Variants in RTL4 observed in about 807,000 individuals in gnomAD.
RTL4 encodes retrotransposon Gag like 4.
A neutral mutation model predicts 5.3 loss-of-function variants in RTL4; 4 were observed. That is an observed-to-expected ratio of 0.75 (90% confidence interval 0.37 to 1.72). The LOEUF is 1.72. RTL4 is among the 40% of genes most tolerant of loss of function. The probability of loss-of-function intolerance (pLI) is 0.04; values close to 1 mark genes in which losing one functional copy is unlikely to be tolerated. For synonymous variants in RTL4, 98 were observed against 87.3 expected, an observed-to-expected ratio of 1.12 and a Z score of -0.68; for missense variants, 260 against 227.1, an observed-to-expected ratio of 1.14 and a Z score of -0.93.
At chrX:112,119,284 GT>G in the RTL4 span, among the ~76,000 whole-genome samples, 6 of 110,578 alleles carry the variant, frequency 5.4e-5, no homozygotes, top group African/African-American at 9.9e-5. Context: ...TGATTACTGT[GT>G]TTTTTTAAAG....
At chrX:112,318,410 C>T in the RTL4 span, among the ~76,000 whole-genome samples, 7 of 111,666 alleles carry the variant, frequency 6.3e-5, no homozygotes, top group East Asian at 2.8e-4. Flanking sequence ...ATGTATTCCC[C>T]GCTATCTAGA....
At chrX:112,431,799 A>T in the RTL4 span, among the ~76,000 whole-genome samples, 1 of 107,373 alleles carries the variant, frequency 9.3e-6, no homozygotes, top group Non-Finnish European at 1.9e-5. Context: ...TTACATTTGT[A>T]TACATGTGCC....
chrX:112,228,139 C>T, the RTL4 span, among the ~76,000 whole-genome samples: 16 of 111,143 alleles, frequency 1.4e-4, no homozygotes, highest in African/African-American at 4.9e-4. Flanking sequence ...ATGCTCAGTC[C>T]CCCTACCTGT....
the RTL4 span, among the ~76,000 whole-genome samples, chrX:112,310,775 A>T: frequency 2.5e-5 from 2 of 79,904 alleles, no homozygotes; most frequent in Admixed American, 3.7e-4. Flanking sequence ...TATTATATAT[A>T]ATATATATTA....
At chrX:112,335,108 C>T in the RTL4 span, among the ~76,000 whole-genome samples, 2 of 111,658 alleles carry the variant, frequency 1.8e-5, no homozygotes, top group African/African-American at 6.5e-5. Context: ...CGCTGTAACT[C>T]CTGTAGTGCT....
At chrX:112,350,185 G>A in the RTL4 span, among the ~76,000 whole-genome samples, 1 of 110,927 alleles carries the variant, frequency 9.0e-6, no homozygotes, top group South Asian at 3.8e-4. Context: ...TGCGTATGTT[G>A]AACCAGCCTT....
At chrX:112,250,697 C>A in the RTL4 span, among the ~76,000 whole-genome samples, 1 of 112,023 alleles carries the variant, frequency 8.9e-6, no homozygotes, top group Non-Finnish European at 1.9e-5. Context: ...GTTTACATGG[C>A]AAAACGTATT....
the RTL4 span, among the ~76,000 whole-genome samples, chrX:112,319,456 C>T: frequency 2.7e-5 from 3 of 112,050 alleles, no homozygotes; most frequent in African/African-American, 9.7e-5. Context: ...GAAAGAGTAA[C>T]AGCAAAACTT....
At chrX:112,403,869 T>C in the RTL4 span, among the ~76,000 whole-genome samples, 1 of 112,607 alleles carries the variant, frequency 8.9e-6, no homozygotes, top group Non-Finnish European at 1.9e-5. Context: ...TTTGTTTCTT[T>C]TTGAACTTTT....
chrX:112,374,808 G>A, the RTL4 span, among the ~76,000 whole-genome samples: 1 of 111,492 alleles, frequency 9.0e-6, no homozygotes, highest in African/African-American at 3.3e-5. Context: ...GAGTTTGGTG[G>A]TTAAAGGCTA....
the RTL4 span, among the ~76,000 whole-genome samples, chrX:112,419,518 C>T: frequency 4.5e-5 from 1 of 22,097 alleles, no homozygotes; most frequent in Non-Finnish European, 1.4e-4. Context: ...CATCACCACC[C>T]ATGGCTAATT....
chrX:112,159,696 G>T, the RTL4 span, among the ~76,000 whole-genome samples: 1 of 110,984 alleles, frequency 9.0e-6, no homozygotes, highest in Non-Finnish European at 1.9e-5. Flanking sequence ...CTCCAATCAA[G>T]TCTAAGATTC....
chrX:112,269,453 G>A, the RTL4 span, among the ~76,000 whole-genome samples: 1 of 110,371 alleles, frequency 9.1e-6, no homozygotes, highest in African/African-American at 3.3e-5. Context: ...AATCACACTT[G>A]GTATCAGGGT....
chrX:112,346,324 G>T, the RTL4 span, among the ~76,000 whole-genome samples: 1 of 111,256 alleles, frequency 9.0e-6, no homozygotes, highest in Non-Finnish European at 1.9e-5. Context: ...GGCCCAGCAT[G>T]CATTTGGCTA....
At chrX:112,212,218 T>C in the RTL4 span, among the ~76,000 whole-genome samples, 1 of 110,230 alleles carries the variant, frequency 9.1e-6, no homozygotes, top group Non-Finnish European at 1.9e-5. Flanking sequence ...CTACTAAAAA[T>C]ACAAAAAAAT....
the RTL4 span, among the ~76,000 whole-genome samples, chrX:112,248,694 C>A: frequency 8.9e-6 from 1 of 111,824 alleles, no homozygotes; most frequent in African/African-American, 3.3e-5. Context: ...TGTGAAGTAT[C>A]TCTTCGGTAG....
the RTL4 span, among the ~76,000 whole-genome samples, chrX:112,318,740 C>T: frequency 1.6e-4 from 18 of 110,895 alleles, no homozygotes; most frequent in Non-Finnish European, 2.6e-4. Context: ...AATCTCAACA[C>T]CCCCCACCCC....
chrX:112,383,121 C>T, the RTL4 span, among the ~76,000 whole-genome samples: 1 of 111,823 alleles, frequency 8.9e-6, no homozygotes, highest in Non-Finnish European at 1.9e-5. Flanking sequence ...TACAGGTGCA[C>T]TTTCTAGTAC....
the RTL4 span, among the ~76,000 whole-genome samples, chrX:112,126,409 T>C: frequency 8.9e-6 from 1 of 112,160 alleles, no homozygotes; most frequent in Non-Finnish European, 1.9e-5. Context: ...ACTGAATTTA[T>C]GGGATGAAGA....
Sources: allele counts gnomAD v4.1 joint callset (sites outside exome capture counted in the v4.1 genomes callset), GRCh38; gene constraint gnomAD v4.1.1; transcripts MANE v1.5; gene names NCBI Gene and HGNC (gene_info 2026-07-23, HGNC 2026-07-21).